Variants in ZMYM5 observed in about 807,000 individuals in gnomAD.
ZMYM5 encodes the protein zinc finger MYM-type containing 5, also known as zinc finger MYM-type protein 5.
ZMYM5 carries 41 observed loss-of-function variants against 61.8 expected under a neutral mutation model. The ratio of observed to expected loss-of-function variants is 0.66; its 90% CI spans 0.52 to 0.86. ZMYM5 has a LOEUF of 0.86. Among genes scored for constraint, ZMYM5 ranks in the 40% least tolerant of loss-of-function variants. The pLI, the probability that ZMYM5 is intolerant of heterozygous loss-of-function variation, is 0.00. For missense variants in ZMYM5, 706 were observed against 786.7 expected (o/e 0.90, Z 1.23); for synonymous variants, 257 against 276.4 (o/e 0.93, Z 0.70).
intron 4 of ZMYM5, among the ~76,000 whole-genome samples, chr13:19,850,754 C>T (rs2138608544): frequency 6.6e-6 from 1 of 152,108 alleles, no homozygotes; most frequent in South Asian, 2.1e-4. Flanking sequence ...TACACTGTAT[C>T]TTTATCCTTT....
At chr13:19,851,593 A>G in intron 3 of ZMYM5, 96 bp downstream of exon 3, 2 of 1,548,892 alleles carry the variant, frequency 1.3e-6, no homozygotes, top group Non-Finnish European at 1.8e-6. Context: ...CAGCATTCAC[A>G]GAGCTTATAC....
chr13:19,841,915 T>TTCTCCTGCGTCC (rs1952891593), intron 4 of ZMYM5: 1 of 152,064 alleles, frequency 6.6e-6, no homozygotes, highest in African/African-American at 2.4e-5. Flanking sequence ...CTCCTGGGTT[T>TTCTCCTGCGTCC]GCACCATTCT....
At chr13:19,834,101 A>C (rs12184692) in intron 7 of ZMYM5, among the ~76,000 whole-genome samples, 1 of 152,106 alleles carries the variant, frequency 6.6e-6, no homozygotes, top group African/African-American at 2.4e-5. Flanking sequence ...CTCAGCCTCC[A>C]GAGTAGCTGG....
intron 1 of ZMYM5, 131 bp downstream of exon 1, chr13:19,863,319 G>A (rs1953848859): frequency 1.3e-5 from 2 of 152,044 alleles, no homozygotes; most frequent in African/African-American, 4.8e-5. Context: ...CCGGTGACAG[G>A]AGGGCAGCCC....
At chr13:19,844,892 G>A (rs1375564940) in intron 4 of ZMYM5, among the ~76,000 whole-genome samples, 1 of 152,152 alleles carries the variant, frequency 6.6e-6, no homozygotes, top group Non-Finnish European at 1.5e-5. Flanking sequence ...CAAAGTGCTG[G>A]GATTATAGGC....
chr13:19,858,115 T>C lies in ZMYM5; in HGVS notation c.-11+4284A>G, dbSNP rs538042070. Among the ~76,000 whole-genome samples, 3 of 151,892 alleles carry C rather than the reference T, an allele frequency of 2.0e-5. No homozygotes were observed. The East Asian group carries it at 5.8e-4, about 29-fold the overall frequency. Reference sequence around the variant, plus strand: ...GGGAGACTGAGGCAGGAGAATCACTTGAGCCCAGGAGTTCAGGGCTGCAGT... The same window carrying C: ...GGGAGACTGAGGCAGGAGAATCACTCGAGCCCAGGAGTTCAGGGCTGCAGT... On this transcript the variant is annotated intron_variant, in intron 2 of 7. Coordinates refer to ENST00000337963, the MANE Select transcript of ZMYM5 (RefSeq NM_001142684.2).
chr13:19,831,226 A>C (rs1164697230), intron 7 of ZMYM5, among the ~76,000 whole-genome samples: 3 of 150,982 alleles, frequency 2.0e-5, no homozygotes, highest in African/African-American at 7.3e-5. Context: ...TCCCAAGCTC[A>C]GGCCATCCTT....
chr13:19,827,892 G>C (rs926863516), intron 7 of ZMYM5, among the ~76,000 whole-genome samples: 8 of 151,614 alleles, frequency 5.3e-5, no homozygotes, highest in Non-Finnish European at 8.8e-5. Flanking sequence ...AGTGGTGGGC[G>C]CCTGTAGTCC....
At chr13:19,863,072 C>A (rs969809954) in intron 1 of ZMYM5, among the ~76,000 whole-genome samples, 40 of 152,204 alleles carry the variant, frequency 2.6e-4, no homozygotes, top group African/African-American at 9.4e-4. Flanking sequence ...AGGGTGGCAG[C>A]GCGGTCCTGA....
At chr13:19,835,390 A>C (rs1188696309) in intron 7 of ZMYM5, 87 bp downstream of exon 7, 11 of 907,928 alleles carry the variant, frequency 1.2e-5, no homozygotes, top group Non-Finnish European at 1.7e-5. Context: ...GAATTAAATG[A>C]GATTCTAAGA....
At chr13:19,846,960 A>T (rs909378574) in intron 4 of ZMYM5, among the ~76,000 whole-genome samples, 4 of 151,892 alleles carry the variant, frequency 2.6e-5, no homozygotes, top group African/African-American at 9.7e-5. Context: ...TATGAAAAAA[A>T]TTTTTTTGAG....
chr13:19,852,050 C>A lies in ZMYM5; in HGVS notation c.131G>T (p.Ser44Ile), dbSNP rs769568983. The A allele has an allele frequency of 2.5e-6, 4 of 1,613,814 alleles. No homozygotes were observed. The African/African-American group carries it at 4.0e-5, about 16-fold the overall frequency. The stretch of plus-strand genomic sequence containing the variant: ...TTCCACTGGTGAGTTCCTAGATCTA[C>A]TGACTAAAGGACAAGCTGGATGACC... ...SFGHPACPLV[S>I]RSRNSPVEDD... Residue 44 changes from serine (S) to isoleucine (I), a missense_variant, in exon 3 of 8, where the codon AGT becomes ATT. Ser to Ile is a moderately radical substitution (Grantham distance 142). Around this residue, in one of 2 missense-constraint regions of ZMYM5, gnomAD observed 480 missense variants for 461.7 expected, o/e 1.04. Coordinates refer to ENST00000337963, the MANE Select transcript of ZMYM5 (RefSeq NM_001142684.2).
At chr13:19,832,944 C>G (rs1443639155) in intron 7 of ZMYM5, among the ~76,000 whole-genome samples, 2 of 151,712 alleles carry the variant, frequency 1.3e-5, no homozygotes, top group Non-Finnish European at 2.9e-5. Context: ...ATGTTGCCCA[C>G]GTTGGTCTCC....
At position 19,844,234 on chromosome 13, in the gene ZMYM5, C is replaced by T. The variant is rs1011310328; in HGVS notation, c.587-5249G>A. 1.6e-4 allele frequency among the ~76,000 whole-genome samples: 25 copies of T among 152,024 alleles called. No individual in the cohort carries two copies. The East Asian group carries it at 2.9e-3, about 18-fold the overall frequency. ...CTAAGGTGGGTGGATGGCTTGAGCCCGGGAGGTGGAGGTTGCAGTGAGCCG... is the reference window on the plus strand; with the variant it reads ...CTAAGGTGGGTGGATGGCTTGAGCCTGGGAGGTGGAGGTTGCAGTGAGCCG... On this transcript the variant is annotated intron_variant, in intron 4 of 7. Coordinates refer to ENST00000337963, the MANE Select transcript of ZMYM5 (RefSeq NM_001142684.2).
chr13:19,849,701 C>T (rs776703931), intron 4 of ZMYM5, among the ~76,000 whole-genome samples: 8 of 152,014 alleles, frequency 5.3e-5, no homozygotes, highest in African/African-American at 1.4e-4. Context: ...AAAAGTTGGC[C>T]GGGCGCGGTG....
chr13:19,843,998 C>T (rs550478007), intron 4 of ZMYM5, among the ~76,000 whole-genome samples: 6 of 151,456 alleles, frequency 4.0e-5, no homozygotes, highest in African/African-American at 9.7e-5. Context: ...TTTAGGTGGA[C>T]GTGGTGGCAG....
chr13:19,834,468 T>G (rs80151539), intron 7 of ZMYM5, among the ~76,000 whole-genome samples: 1 of 150,274 alleles, frequency 6.7e-6, no homozygotes, highest in Non-Finnish European at 1.5e-5. Flanking sequence ...TTTTTTTTTT[T>G]GTAGAGACAG....
chr13:19,855,565 A>G (rs1244117833), intron 2 of ZMYM5, among the ~76,000 whole-genome samples: 1 of 151,762 alleles, frequency 6.6e-6, no homozygotes, highest in Non-Finnish European at 1.5e-5. Flanking sequence ...CCCGGCCCAC[A>G]GTATCTTCTT....
Position 19,823,620 on chromosome 13 carries a change from C to A in ZMYM5, c.*857G>T, listed in dbSNP as rs1251016482. On this transcript the variant is annotated 3_prime_UTR_variant, in exon 8 of 8. Transcript: ENST00000337963. ...ATAAAACCAATAAAATGGAAATTAA[C>A]CATCATTAACATAACAAATAATGCT... 6.6e-6 allele frequency: 1 copy of A among 151,952 alleles called. No individual in the cohort carries two copies. Among genetic ancestry groups the A allele is most frequent in the Non-Finnish European group, 1.5e-5 (1 of 67,990 alleles). 9.4% of individuals were successfully genotyped at this position (151,952 alleles called of 1,614,324 possible).
Sources: allele counts gnomAD v4.1 joint callset (sites outside exome capture counted in the v4.1 genomes callset), GRCh38; gene constraint gnomAD v4.1.1; regional missense constraint gnomAD v4.1.1; transcripts MANE v1.5; gene names NCBI Gene and HGNC (gene_info 2026-07-23, HGNC 2026-07-21).